Variants in ACTR1A observed in about 807,000 individuals in gnomAD.
ACTR1A encodes the protein alpha-centractin.
A neutral mutation model predicts 50.7 loss-of-function variants in ACTR1A; 10 were observed. That is an observed-to-expected ratio of 0.20 (90% CI 0.12 to 0.33). The LOEUF (loss-of-function observed/expected upper bound fraction) is 0.33, where lower values mean the gene tolerates loss of function less well. Among genes scored for constraint, ACTR1A ranks in the 10% least tolerant of loss-of-function variants. The probability of loss-of-function intolerance (pLI) is 1.00; values close to 1 mark genes in which losing one functional copy is unlikely to be tolerated. For synonymous variants in ACTR1A, 177 were observed against 184.2 expected (o/e 0.96, Z 0.32); for missense variants, 253 against 491.7 (o/e 0.51, Z 4.59).
Position 102,482,103 on chromosome 10 carries a change from T to A in ACTR1A, c.823A>T (p.Ile275Phe), listed in dbSNP as rs773846217. ...ATGGCGAACACCAGGACCTCGTGGA[T>A]GCCTTCACTCTCCTCTCCAATCAAA... Reference protein sequence around the residue: ...PDLIGEESEGIHEVLVFAIQK... With the variant: ...PDLIGEESEGFHEVLVFAIQK... The change falls in exon 8 of 11, where the codon ATC (isoleucine) becomes TTC (phenylalanine). Residue 275 changes from isoleucine (I) to phenylalanine (F), a missense_variant. Coordinates refer to ENST00000369905, the MANE Select transcript of ACTR1A (RefSeq NM_005736.4). The surrounding 1 kb of genome is among the most constrained non-coding windows in gnomAD (Gnocchi z 5.6). The A allele has an allele frequency of 4.3e-6, 7 of 1,614,152 alleles. No homozygotes were observed. The highest frequency in any genetic ancestry group is 5.9e-6 in the Non-Finnish European group (7 of 1,180,032).
In ACTR1A at chr10:102,483,089, T is replaced by C. The variant is rs1245865875; in HGVS notation, c.672A>G (p.Leu224=). 2 of 1,614,004 alleles carry C rather than the reference T, an allele frequency of 1.2e-6. No homozygotes were observed. Among genetic ancestry groups the C allele is most frequent in the South Asian group, 1.1e-5 (1 of 91,076 alleles). The change falls in exon 7 of 11, where the codon CTA becomes CTG. Residue 224 remains leucine (L), a synonymous_variant. Coordinates refer to ENST00000369905, the MANE Select transcript of ACTR1A (RefSeq NM_005736.4). The part of the protein sequence containing the change: ...VKAIKERACY[L]SINPQKDETL... The stretch of plus-strand genomic sequence containing the variant: ...TCTCATCCTTTTGGGGGTTTATGGA[T>C]AGGTAACAGGCTCTCTGCAGATCCA...
chr10:102,488,290 C>T lies in ACTR1A; in HGVS notation c.190-15G>A, dbSNP rs1357474188. 1.9e-6 allele frequency: 3 copies of T among 1,611,924 alleles called. No homozygotes were observed. Among genetic ancestry groups the T allele is most frequent in the Non-Finnish European group, 2.5e-6 (3 of 1,178,276 alleles). On this transcript the variant is annotated splice_polypyrimidine_tract_variant and intron_variant, in intron 3 of 10. Coordinates refer to ENST00000369905, the MANE Select transcript of ACTR1A (RefSeq NM_005736.4). The surrounding 1 kb of genome is among the most constrained non-coding windows in gnomAD (Gnocchi z 4.4). ...CCTCGGTGCTCCTGGGAAAAGAGAA[C>T]AGGACTTACGACTGCAGTCAGGCTC... is the stretch of plus-strand genomic sequence containing the variant.
chr10:102,499,634 G>A (rs1411187472), intron 1 of ACTR1A, among the ~76,000 whole-genome samples: 1 of 152,210 alleles, frequency 6.6e-6, no homozygotes, highest in Non-Finnish European at 1.5e-5. Flanking sequence ...AGCAATTCAA[G>A]AAGCAAAGGA....
In ACTR1A at chr10:102,482,796, A is replaced by G. The variant is rs1187677776; in HGVS notation, c.750+215T>C. On this transcript the variant is annotated intron_variant, in intron 7 of 10. Transcript: ENST00000369905. The surrounding 1 kb of genome is among the most constrained non-coding windows in gnomAD (Gnocchi z 5.6). ...CTGCTGAGCTAAAAAAAAAAATTGC[A>G]AAAGAATCTCATAATGTTTTAAGAA... The G allele has an allele frequency of 5.3e-6, 3 of 563,354 alleles. No individual in the cohort carries two copies. Among genetic ancestry groups the G allele is most frequent in the Non-Finnish European group, 9.5e-6 (3 of 316,098 alleles). 34.9% of individuals were successfully genotyped at this position (563,354 alleles called of 1,614,324 possible).
At chr10:102,497,954 G>C (rs1280359591) in intron 1 of ACTR1A, among the ~76,000 whole-genome samples, 1 of 150,384 alleles carries the variant, frequency 6.6e-6, no homozygotes, top group African/African-American at 2.4e-5. Flanking sequence ...AGGCTGAGCA[G>C]GTGGTACACG....
At chr10:102,489,409 T>C (rs1157781943) in intron 2 of ACTR1A, among the ~76,000 whole-genome samples, 1 of 152,232 alleles carries the variant, frequency 6.6e-6, no homozygotes, top group Non-Finnish European at 1.5e-5. Context: ...GTTCTTCTCT[T>C]TCTGCAGTGT....
At chr10:102,501,925 A>G (rs187613153) in intron 1 of ACTR1A, among the ~76,000 whole-genome samples, 11 of 152,218 alleles carry the variant, frequency 7.2e-5, no homozygotes, top group Admixed American at 3.3e-4. Context: ...ACCTTTACCA[A>G]CTTTGTAATT....
intron 1 of ACTR1A, among the ~76,000 whole-genome samples, chr10:102,495,793 C>G (rs2062218725): frequency 7.7e-6 from 1 of 129,864 alleles, no homozygotes; most frequent in African/African-American, 2.8e-5. Context: ...CGGACTCTTG[C>G]TCTGTCGCCC....
At chr10:102,484,126 C>T (rs7079810) in intron 6 of ACTR1A, 34 bp downstream of exon 6, 543,262 of 1,605,442 alleles carry the variant, frequency 0.34, 93,580 homozygotes, top group Admixed American at 0.39. Context: ...TCCCAACCCC[C>T]ACTCCATCCC....
At chr10:102,502,224 C>A (rs879489615) in intron 1 of ACTR1A, among the ~76,000 whole-genome samples, 6 of 152,182 alleles carry the variant, frequency 3.9e-5, no homozygotes, top group Non-Finnish European at 4.4e-5. Flanking sequence ...TAGCCTCATC[C>A]GGCAAGGCTA....
At chr10:102,487,812 T>C (rs1191692178) in intron 4 of ACTR1A, among the ~76,000 whole-genome samples, 2 of 151,930 alleles carry the variant, frequency 1.3e-5, no homozygotes, top group Non-Finnish European at 2.9e-5. Flanking sequence ...TTTGTATTTT[T>C]AGTGGAGACA....
At position 102,482,780 on chromosome 10, in the gene ACTR1A, T is replaced by TA. The variant is rs35645620; in HGVS notation, c.750+230dup. On this transcript the variant is annotated intron_variant, in intron 7 of 10. Coordinates refer to ENST00000369905, the MANE Select transcript of ACTR1A (RefSeq NM_005736.4). This position sits in a 1 kb window ranked among gnomAD's most constrained non-coding sequence, Gnocchi z 5.6. The stretch of plus-strand genomic sequence containing the variant: ...CTAACACTAATGACAGCTGCTGAGC[T>TA]AAAAAAAAAAATTGCAAAAGAATCT... 155,996 of 472,428 alleles carry TA rather than the reference T, an allele frequency of 0.33. 11,306 individuals carry two copies. Among genetic ancestry groups the TA allele is most frequent in the African/African-American group, 0.39 (19,699 of 50,482 alleles). The allele number at this position is 472,428 out of a possible 1,614,324, so 29.3% of individuals were successfully genotyped here.
intron 1 of ACTR1A, among the ~76,000 whole-genome samples, chr10:102,497,418 C>T (rs2062227599): frequency 6.6e-6 from 1 of 151,950 alleles, no homozygotes; most frequent in South Asian, 2.1e-4. Context: ...AATGCATATG[C>T]ACATAAAATC....
chr10:102,480,889 G>A lies in ACTR1A; in HGVS notation c.1105C>T (p.Arg369Ter). 6.2e-7 allele frequency: 1 copy of A among 1,613,900 alleles called. No individual in the cohort carries two copies. Among genetic ancestry groups the A allele is most frequent in the Non-Finnish European group, 8.5e-7 (1 of 1,179,824 alleles). The change falls in exon 11 of 11, where the codon CGA (arginine) becomes TGA (stop). Residue 369 changes from arginine (R) to a stop codon, truncating the protein, a stop_gained. Coordinates refer to ENST00000369905, the MANE Select transcript of ACTR1A (RefSeq NM_005736.4). LOFTEE classifies it high-confidence loss of function. ...TAGAAGGTTTTTCTGTGGATGGATC[G>A]GGCACCGTCTTCCTCATATTCCTTT... Reference protein sequence around the residue: ...SKKEYEEDGARSIHRKTF With the variant: ...SKKEYEEDGA
chr10:102,484,899 TG>T (rs2062159418), intron 5 of ACTR1A, among the ~76,000 whole-genome samples: 1 of 152,182 alleles, frequency 6.6e-6, no homozygotes, highest in African/African-American at 2.4e-5. Context: ...CAACAGAGCA[TG>T]GACAGGCTGT....
In ACTR1A at chr10:102,482,223, C is replaced by T; in HGVS notation, c.751-48G>A. On this transcript the variant is annotated intron_variant, in intron 7 of 10. Coordinates refer to ENST00000369905, the MANE Select transcript of ACTR1A (RefSeq NM_005736.4). This position sits in a 1 kb window ranked among gnomAD's most constrained non-coding sequence, Gnocchi z 5.6. ...AAGAGGTCGGAGCTGGGACCAAGGTCCCTTTGGGAGTGGGAATGGAAGACG... is the reference window on the plus strand; with the variant it reads ...AAGAGGTCGGAGCTGGGACCAAGGTTCCTTTGGGAGTGGGAATGGAAGACG... 6.3e-7 allele frequency: 1 copy of T among 1,590,236 alleles called. No individual in the cohort carries two copies. The highest frequency in any genetic ancestry group is 8.6e-7 in the Non-Finnish European group (1 of 1,169,490).
chr10:102,482,074 C>T lies in ACTR1A; in HGVS notation c.852G>A (p.Gln284=). The part of the protein sequence containing the change: ...GIHEVLVFAI[Q]KSDMDLRRTL... ...TGCGCCGCAGGTCCATGTCTGACTT[C>T]TGAATGGCGAACACCAGGACCTCGT... is the stretch of plus-strand genomic sequence containing the variant. Residue 284 remains glutamine (Q), a synonymous_variant, in exon 8 of 11, where the codon CAG becomes CAA. Coordinates refer to ENST00000369905, the MANE Select transcript of ACTR1A (RefSeq NM_005736.4). This position sits in a 1 kb window ranked among gnomAD's most constrained non-coding sequence, Gnocchi z 5.6. 6.2e-7 allele frequency: 1 copy of T among 1,614,200 alleles called. No individual in the cohort carries two copies. The highest frequency in any genetic ancestry group is 8.5e-7 in the Non-Finnish European group (1 of 1,180,048).
chr10:102,485,884 T>C (rs970304815), intron 4 of ACTR1A, 151 bp from the exon 5 acceptor site: 2 of 1,111,824 alleles, frequency 1.8e-6, no homozygotes, highest in South Asian at 1.5e-5. Context: ...CTGTCAACTA[T>C]CCCTGCCCAA....
chr10:102,498,872 T>G (rs1317849817), intron 1 of ACTR1A, among the ~76,000 whole-genome samples: 2 of 152,160 alleles, frequency 1.3e-5, no homozygotes, highest in African/African-American at 2.4e-5. Context: ...TCTTACACTA[T>G]TCTCTATGTC....
Sources: allele counts gnomAD v4.1 joint callset (sites outside exome capture counted in the v4.1 genomes callset), GRCh38; gene constraint gnomAD v4.1.1; non-coding constraint Gnocchi (gnomAD v3.1); transcripts MANE v1.5; gene names NCBI Gene and HGNC (gene_info 2026-07-23, HGNC 2026-07-21).